CSNK1G3: variants seen among roughly 807,000 people sequenced by gnomAD.
The protein encoded by CSNK1G3 is casein kinase I isoform gamma-3.
CSNK1G3 carries 23 observed loss-of-function variants against 64.3 expected under a neutral mutation model. That is an observed-to-expected ratio of 0.36 (90% CI 0.26 to 0.51). The LOEUF is 0.51. Among genes scored for constraint, CSNK1G3 ranks in the 20% least tolerant of loss-of-function variants. The pLI is 0.96. For missense variants in CSNK1G3, 357 were observed against 510.5 expected (o/e 0.70, Z 2.90); for synonymous variants, 158 against 162.2 (o/e 0.97, Z 0.20).
chr5:123,552,167 T>G (rs1003643399), intron 2 of CSNK1G3, among the ~76,000 whole-genome samples: 1 of 149,840 alleles, frequency 6.7e-6, no homozygotes. Flanking sequence ...TTTTTTTTGA[T>G]GGAGTCTCAC....
chr5:123,605,386 A>G (rs371836896), intron 12 of CSNK1G3, 24 bp downstream of exon 13: 61 of 1,609,596 alleles, frequency 3.8e-5, no homozygotes, highest in Non-Finnish European at 5.2e-5. Context: ...GTAGGCAGGC[A>G]GAAATAGCTC....
Position 123,590,532 on chromosome 5 carries a change from G to T in CSNK1G3, c.964G>T (p.Glu322Ter). The change falls in exon 9 of 13, where the codon GAA (glutamate) becomes TAA (stop). Residue 322 changes from glutamate (E) to a stop codon, truncating the protein, a stop_gained. Coordinates refer to ENST00000345990, the Ensembl canonical transcript of CSNK1G3. LOFTEE classifies it high-confidence loss of function. The stretch of plus-strand genomic sequence containing the variant: ...TCGAAAAGGATATATGTTTGATTAT[G>T]AATATGACTGGATTGGTAAACAGTT... 1 of 1,518,312 alleles carries T rather than the reference G, an allele frequency of 6.6e-7. No homozygotes were observed. Among genetic ancestry groups the T allele is most frequent in the South Asian group, 1.3e-5 (1 of 74,260 alleles). The allele number at this position is 1,518,312 out of a possible 1,614,324, so 94.1% of individuals were successfully genotyped here. A position where few individuals can be genotyped will look rare whatever the true frequency, so the allele number is the denominator to read the frequency against.
chr5:123,577,265 T>G (rs759988404), intron 6 of CSNK1G3, among the ~76,000 whole-genome samples: 18 of 152,084 alleles, frequency 1.2e-4, no homozygotes, highest in Admixed American at 5.9e-4. Flanking sequence ...TAATGGTATT[T>G]AGAAACCAAG....
chr5:123,545,602 T>C, exon 2 of CSNK1G3: 1 of 1,391,826 alleles, frequency 7.2e-7, no homozygotes, highest in Non-Finnish European at 1.0e-6. Context: ...ATTTTCACAA[T>C]ACCCTGTTTC....
chr5:123,582,775 A>C (rs934146750), intron 6 of CSNK1G3, among the ~76,000 whole-genome samples: 2 of 152,142 alleles, frequency 1.3e-5, no homozygotes, highest in Non-Finnish European at 2.9e-5. Flanking sequence ...GACTTTTTTC[A>C]TGTAAAAGAA....
intron 1 of CSNK1G3, among the ~76,000 whole-genome samples, chr5:123,526,909 A>G (rs1050989755): frequency 6.8e-6 from 1 of 146,952 alleles, no homozygotes; most frequent in East Asian, 2.0e-4. Context: ...TTCCTTGAGT[A>G]TGATCCTAAA....
intron 10 of CSNK1G3, among the ~76,000 whole-genome samples, chr5:123,604,067 G>A (rs1051049307): frequency 6.6e-6 from 1 of 152,072 alleles, no homozygotes; most frequent in Non-Finnish European, 1.5e-5. Context: ...AATCACATAA[G>A]AGATCATAGT....
intron 1 of CSNK1G3, among the ~76,000 whole-genome samples, chr5:123,532,007 A>G (rs1309743348): frequency 6.6e-6 from 1 of 151,728 alleles, no homozygotes; most frequent in East Asian, 1.9e-4. Context: ...TGTGAGGGAA[A>G]TTTTCAGTTT....
chr5:123,602,972 CA>C (rs1442437842), intron 10 of CSNK1G3, among the ~76,000 whole-genome samples: 4 of 152,072 alleles, frequency 2.6e-5, no homozygotes, highest in African/African-American at 9.7e-5. Context: ...TACTTGAGAA[CA>C]CTGAGGTTTA....
chr5:123,542,918 T>C (rs1436328831), intron 1 of CSNK1G3, among the ~76,000 whole-genome samples: 1 of 148,462 alleles, frequency 6.7e-6, no homozygotes, highest in African/African-American at 2.5e-5. Flanking sequence ...TTAGCTATTA[T>C]TCGTTTTTTT....
At chr5:123,610,244 A>G (rs1311490195) in intron 12 of CSNK1G3, among the ~76,000 whole-genome samples, 2 of 152,186 alleles carry the variant, frequency 1.3e-5, no homozygotes, top group Non-Finnish European at 2.9e-5. Context: ...GAGATATGAA[A>G]TTACACTTCA....
At chr5:123,552,140 G>A (rs906504765) in intron 2 of CSNK1G3, among the ~76,000 whole-genome samples, 7 of 135,530 alleles carry the variant, frequency 5.2e-5, no homozygotes, top group African/African-American at 1.2e-4. Flanking sequence ...TGTATAAAAC[G>A]TTATGATCCT....
intron 4 of CSNK1G3, among the ~76,000 whole-genome samples, chr5:123,566,679 C>T (rs1786948954): frequency 6.6e-6 from 1 of 151,874 alleles, no homozygotes; most frequent in South Asian, 2.1e-4. Flanking sequence ...GTTGTTTGCT[C>T]AGTGATTAAA....
intron 1 of CSNK1G3, among the ~76,000 whole-genome samples, chr5:123,544,335 T>C (rs1477485274): frequency 1.3e-5 from 2 of 152,190 alleles, no homozygotes; most frequent in Non-Finnish European, 2.9e-5. Flanking sequence ...TAAATTCCCT[T>C]ATTGCCTACA....
chr5:123,522,403 T>G (rs1437164455), intron 1 of CSNK1G3, among the ~76,000 whole-genome samples: 1 of 151,628 alleles, frequency 6.6e-6, no homozygotes. Flanking sequence ...CTTGGGAGAC[T>G]GAGGCAGGAG....
chr5:123,560,990 A>G (rs554627684), intron 4 of CSNK1G3, among the ~76,000 whole-genome samples: 39 of 152,312 alleles, frequency 2.6e-4, no homozygotes, highest in African/African-American at 9.1e-4. Context: ...GTATTTTACC[A>G]CAAATAAATT....
At chr5:123,544,256 C>A (rs1217398851) in intron 1 of CSNK1G3, among the ~76,000 whole-genome samples, 2 of 152,172 alleles carry the variant, frequency 1.3e-5, no homozygotes, top group Non-Finnish European at 2.9e-5. Context: ...CTCATCTGCC[C>A]ATTGCTTTCT....
intron 3 of CSNK1G3, among the ~76,000 whole-genome samples, chr5:123,553,725 C>T (rs778345445): frequency 9.9e-5 from 15 of 152,250 alleles, no homozygotes; most frequent in African/African-American, 2.9e-4. Flanking sequence ...CAGAGCAGAG[C>T]GATCTCTTTG....
intron 10 of CSNK1G3, among the ~76,000 whole-genome samples, chr5:123,596,612 A>G (rs905056066): frequency 2.0e-5 from 3 of 152,090 alleles, no homozygotes; most frequent in African/African-American, 7.2e-5. Flanking sequence ...TTATTCATTC[A>G]TTATTTCACT....
Sources: gnomAD v4.1 joint callset for allele counts (sites outside exome capture counted in the v4.1 genomes callset) on GRCh38, gnomAD v4.1.1 for gene constraint, MANE v1.5 for transcripts, NCBI Gene and HGNC (gene_info 2026-07-23, HGNC 2026-07-21) for gene names.